The following SCAMP1 variants were observed in gnomAD, a reference collection of about 807,000 sequenced individuals.
The protein encoded by SCAMP1 is secretory carrier membrane protein 1.
A neutral mutation model predicts 41.8 loss-of-function variants in SCAMP1; 15 were observed. The ratio of observed to expected loss-of-function variants is 0.36; its 90% CI spans 0.24 to 0.55. The LOEUF (loss-of-function observed/expected upper bound fraction) is 0.55, where lower values mean the gene tolerates loss of function less well. Among genes scored for constraint, SCAMP1 ranks in the 20% least tolerant of loss-of-function variants. The pLI is 0.86. For synonymous variants in SCAMP1, 135 were observed against 136.8 expected, an observed-to-expected ratio of 0.99 and a Z score of 0.09; for missense variants, 341 against 412.6, an observed-to-expected ratio of 0.83 and a Z score of 1.50.
intron 6 of SCAMP1, among the ~76,000 whole-genome samples, chr5:78,423,016 G>GCA (rs57059961): frequency 0.11 from 3,636 of 33,316 alleles, 54 homozygotes; most frequent in Admixed American, 0.15. Flanking sequence ...ACGCGCGCGC[G>GCA]CACACACACA....
chr5:78,369,878 C>T (rs546088562), intron 1 of SCAMP1, among the ~76,000 whole-genome samples: 5 of 152,232 alleles, frequency 3.3e-5, no homozygotes, highest in Non-Finnish European at 7.3e-5. Context: ...ATCATGTCCT[C>T]TAGGGTGTGA....
At chr5:78,403,051 C>T (rs539598844) in intron 2 of SCAMP1, among the ~76,000 whole-genome samples, 108 of 152,076 alleles carry the variant, frequency 7.1e-4, no homozygotes, top group African/African-American at 2.4e-3. Flanking sequence ...TTGTATTTTT[C>T]GTAGAGGCAG....
At chr5:78,398,849 C>T (rs942716595) in intron 2 of SCAMP1, among the ~76,000 whole-genome samples, 10 of 152,014 alleles carry the variant, frequency 6.6e-5, no homozygotes, top group South Asian at 2.1e-4. Flanking sequence ...ATGGCCCCAG[C>T]GTTCATTCTT....
At chr5:78,412,906 A>G (rs1233825466) in intron 2 of SCAMP1, among the ~76,000 whole-genome samples, 2 of 152,104 alleles carry the variant, frequency 1.3e-5, no homozygotes, top group Non-Finnish European at 2.9e-5. Flanking sequence ...TGTGTTTTCC[A>G]TTCTTAATTT....
chr5:78,459,925 T>G (rs952063875), intron 8 of SCAMP1, among the ~76,000 whole-genome samples: 1 of 152,030 alleles, frequency 6.6e-6, no homozygotes, highest in Non-Finnish European at 1.5e-5. Context: ...TCCCTCCCTT[T>G]TGGGTCCCCG....
chr5:78,452,870 G>T (rs866351467), intron 7 of SCAMP1, among the ~76,000 whole-genome samples: 6,670 of 149,104 alleles, frequency 0.045, 195 homozygotes, highest in Non-Finnish European at 0.069. Flanking sequence ...ACTTTTTAAT[G>T]ATCGCCATTC....
chr5:78,439,590 A>G (rs1455705007), intron 6 of SCAMP1, among the ~76,000 whole-genome samples: 3 of 152,162 alleles, frequency 2.0e-5, no homozygotes, highest in African/African-American at 7.2e-5. Context: ...ATCTGCTGTT[A>G]GTCTGATGGG....
At chr5:78,366,139 C>A (rs1332523206) in intron 1 of SCAMP1, among the ~76,000 whole-genome samples, 6 of 134,774 alleles carry the variant, frequency 4.5e-5, no homozygotes, top group Non-Finnish European at 9.8e-5. Flanking sequence ...GGGCCCTTTT[C>A]TTTTCTTTTC....
intron 2 of SCAMP1, among the ~76,000 whole-genome samples, chr5:78,397,716 T>C (rs1419012920): frequency 1.3e-5 from 2 of 151,682 alleles, no homozygotes; most frequent in Non-Finnish European, 2.9e-5. Context: ...AGGTCAGGAG[T>C]TCAAGACCAG....
rs183919295 is a variant in SCAMP1, at chr5:78,462,603, G to A, written c.852+3241G>A. Among the ~76,000 whole-genome samples the A allele has an allele frequency of 6.6e-5, 10 of 152,208 alleles. No individual in the cohort carries two copies. The East Asian group carries it at 1.4e-3, about 21-fold the overall frequency. Reference sequence around the variant, plus strand: ...CCTCCCAAAGTTCGGGATTACAGGTGTGAGCCACCACACCCAGTCTGTATC... The same window carrying A: ...CCTCCCAAAGTTCGGGATTACAGGTATGAGCCACCACACCCAGTCTGTATC... On this transcript the variant is annotated intron_variant, in intron 8 of 8. Coordinates refer to ENST00000621999, the MANE Select transcript of SCAMP1 (RefSeq NM_004866.6).
At chr5:78,374,125 C>G (rs568681880) in intron 1 of SCAMP1, among the ~76,000 whole-genome samples, 3 of 152,132 alleles carry the variant, frequency 2.0e-5, no homozygotes, top group Non-Finnish European at 4.4e-5. Context: ...AGAGAATTTT[C>G]TGATGTCAAA....
intron 8 of SCAMP1, among the ~76,000 whole-genome samples, chr5:78,463,063 T>C (rs1201259383): frequency 6.6e-6 from 1 of 152,248 alleles, no homozygotes; most frequent in Non-Finnish European, 1.5e-5. Context: ...ATTTGTCTTT[T>C]ATCCTTCTCA....
chr5:78,406,345 T>C (rs1042606931), intron 2 of SCAMP1, among the ~76,000 whole-genome samples: 2 of 152,224 alleles, frequency 1.3e-5, no homozygotes, highest in African/African-American at 4.8e-5. Context: ...AACATTCTTT[T>C]AGACCCTACA....
rs745691489 is a variant in SCAMP1, at chr5:78,415,609, G to A, written c.225G>A (p.Gln75=). ...CAGAGGAACATCCAGCTTATACACA[G>A]ATTGCAAAGGTTAGTTCATGTTAGT... ...KPTEEHPAYT[Q]IAKEHALAQA... is the part of the protein sequence containing the mutation. The change falls in exon 3 of 9, where the codon CAG becomes CAA. Residue 75 remains glutamine, a synonymous_variant. Transcript: ENST00000621999. The A allele has an allele frequency of 6.3e-7, 1 of 1,588,944 alleles. No homozygotes were observed. Among genetic ancestry groups the A allele is most frequent in the Non-Finnish European group, 8.6e-7 (1 of 1,163,342 alleles).
At chr5:78,386,804 T>C (rs1751353056) in intron 1 of SCAMP1, among the ~76,000 whole-genome samples, 2 of 152,226 alleles carry the variant, frequency 1.3e-5, no homozygotes, top group Admixed American at 1.3e-4. Context: ...TTCTAGCCTG[T>C]AGGATTTCTG....
intron 1 of SCAMP1, among the ~76,000 whole-genome samples, chr5:78,367,917 T>C (rs1750839578): frequency 6.6e-6 from 1 of 152,346 alleles, no homozygotes; most frequent in Non-Finnish European, 1.5e-5. Context: ...TCACCTGTTA[T>C]TTTCTTCTGC....
At chr5:78,461,807 G>A (rs527920733) in intron 8 of SCAMP1, among the ~76,000 whole-genome samples, 18 of 152,050 alleles carry the variant, frequency 1.2e-4, no homozygotes, top group African/African-American at 4.1e-4. Flanking sequence ...CAAGTGATCC[G>A]CCCGCCTCAG....
chr5:78,439,771 G>A (rs1278045105), intron 6 of SCAMP1, among the ~76,000 whole-genome samples: 2 of 152,124 alleles, frequency 1.3e-5, no homozygotes, highest in African/African-American at 4.8e-5. Flanking sequence ...TGCCTTGGTA[G>A]GTTGGGGAAG....
At chr5:78,464,780 A>G (rs923916136) in intron 8 of SCAMP1, among the ~76,000 whole-genome samples, 1 of 151,940 alleles carries the variant, frequency 6.6e-6, no homozygotes, top group Non-Finnish European at 1.5e-5. Context: ...GCTCAGCCAT[A>G]CTCTGGGCCC....
Sources: gnomAD v4.1 joint callset for allele counts (sites outside exome capture counted in the v4.1 genomes callset) on GRCh38, gnomAD v4.1.1 for gene constraint, MANE v1.5 for transcripts, NCBI Gene and HGNC (gene_info 2026-07-23, HGNC 2026-07-21) for gene names.